NAE1: variants seen among roughly 807,000 people sequenced by gnomAD.
The protein encoded by NAE1 is NEDD8-activating enzyme E1 regulatory subunit.
In NAE1, 59 loss-of-function variants were observed where a neutral mutation model predicts 88.0. That is an observed-to-expected ratio of 0.67 (90% CI 0.54 to 0.83). The LOEUF (loss-of-function observed/expected upper bound fraction) is 0.83. Among genes scored for constraint, NAE1 ranks in the 40% least tolerant of loss-of-function variants. The pLI is 0.00. For synonymous variants in NAE1, 186 were observed against 208.9 expected, an observed-to-expected ratio of 0.89 and a Z score of 0.95; for missense variants, 554 against 632.8, an observed-to-expected ratio of 0.88 and a Z score of 1.34.
intron 1 of NAE1, among the ~76,000 whole-genome samples, chr16:66,830,615 C>A (rs924836592): frequency 8.5e-5 from 13 of 152,326 alleles, no homozygotes; most frequent in Middle Eastern, 3.4e-3. Flanking sequence ...GCGCTGGGGA[C>A]CCCGTCCCCC....
At chr16:66,813,910 G>C in intron 11 of NAE1, 64 bp from the exon 12 acceptor site, 1 of 1,423,296 alleles carries the variant, frequency 7.0e-7, no homozygotes, top group South Asian at 1.2e-5. Flanking sequence ...TTTATTTTCA[G>C]TGCTATTTCT....
intron 6 of NAE1, 41 bp from the exon 7 acceptor site, chr16:66,821,600 G>A: frequency 2.7e-6 from 4 of 1,471,628 alleles, no homozygotes; most frequent in South Asian, 1.3e-5. Context: ...ATAAGCAAAT[G>A]GAAATATGCC....
In NAE1 at chr16:66,817,048, T is replaced by A. The variant is rs1348472548; in HGVS notation, c.685-20A>T. On this transcript the variant is annotated intron_variant, in intron 9 of 19. Transcript: ENST00000290810. ...ATTTGTCTAAATTGGTTAAAAATTT[T>A]AAAAATCTAGTTATTAAAATTCAAA... 1.9e-6 allele frequency: 3 copies of A among 1,579,656 alleles called. No homozygotes were observed. The highest frequency in any genetic ancestry group is 1.4e-5 in the African/African-American group (1 of 72,724).
Position 66,808,600 on chromosome 16 carries a change from G to C in NAE1, c.1251C>G (p.Asp417Glu). 1 of 1,601,712 alleles carries C rather than the reference G, an allele frequency of 6.2e-7. No homozygotes were observed. ...ACAACACTATTTCATTATCTGGATT[G>C]TCCATGCTAGAAACTGAAAGGAAAA... ...INKDEIISSM[D>E]NPDNEIVLYL... Residue 417 changes from aspartate to glutamate, a missense_variant, in exon 17 of 20, where the codon GAC (aspartate) becomes GAG (glutamate). By Grantham distance (45) the Asp-to-Glu change is conservative (BLOSUM62 2). Coordinates refer to ENST00000290810, the MANE Select transcript of NAE1 (RefSeq NM_003905.4).
intron 13 of NAE1, among the ~76,000 whole-genome samples, chr16:66,812,603 C>T (rs1355743986): frequency 3.3e-5 from 5 of 150,364 alleles, no homozygotes; most frequent in African/African-American, 4.9e-5. Flanking sequence ...CTGCAACCTC[C>T]GTCTCCTGGG....
chr16:66,816,536 G>GA (rs1336057560), intron 11 of NAE1, 45 bp downstream of exon 11: 1 of 1,349,744 alleles, frequency 7.4e-7, no homozygotes, highest in African/African-American at 1.4e-5. Flanking sequence ...AAGGACTCTA[G>GA]AAAACATCTT....
chr16:66,818,839 T>A (rs1462784855), intron 7 of NAE1, among the ~76,000 whole-genome samples: 2 of 152,012 alleles, frequency 1.3e-5, no homozygotes, highest in Non-Finnish European at 2.9e-5. Flanking sequence ...CCCAGCTAAT[T>A]TTTTTGTAGG....
In NAE1 at chr16:66,810,687, A is replaced by G. The variant is rs955590375; in HGVS notation, c.1110+10T>C. The stretch of plus-strand genomic sequence containing the variant: ...AGGCCTGTATGGGCACAGTGTGCCC[A>G]GTAGCTTACCTGGCCAATGGACTGC... On this transcript the variant is annotated intron_variant, in intron 14 of 19. Transcript: ENST00000290810. 1.9e-6 allele frequency: 3 copies of G among 1,612,964 alleles called. No homozygotes were observed. Among genetic ancestry groups the G allele is most frequent in the African/African-American group, 2.7e-5 (2 of 74,938 alleles).
intron 6 of NAE1, 90 bp from the exon 7 acceptor site, chr16:66,821,649 C>CA: frequency 3.7e-6 from 4 of 1,088,534 alleles, no homozygotes; most frequent in Non-Finnish European, 5.0e-6. Context: ...TGTCTTACAG[C>CA]AACTTTCTTA....
chr16:66,812,464 T>C (rs370795410), intron 13 of NAE1, among the ~76,000 whole-genome samples: 16 of 152,160 alleles, frequency 1.1e-4, no homozygotes, highest in African/African-American at 3.6e-4. Flanking sequence ...TAATTCTGTA[T>C]TTCCCATTCA....
At chr16:66,811,008 C>G (rs1302282503) in intron 13 of NAE1, among the ~76,000 whole-genome samples, 1 of 152,142 alleles carries the variant, frequency 6.6e-6, no homozygotes, top group African/African-American at 2.4e-5. Flanking sequence ...TAACAGCACC[C>G]AACTTAAAAA....
Position 66,830,901 on chromosome 16 carries a change from G to A in NAE1, c.-2C>T, listed in dbSNP as rs778598437. On this transcript the variant is annotated 5_prime_UTR_variant, in exon 1 of 20. Coordinates refer to ENST00000290810, the MANE Select transcript of NAE1 (RefSeq NM_003905.4). ...GAGCAGCTTTCCCAGCTGCGCCATG[G>A]CCGCGCCTGCCGCGCGGAAAACAGC... The A allele has an allele frequency of 4.5e-5, 69 of 1,531,574 alleles. No homozygotes were observed. In the East Asian group the frequency reaches 7.4e-4, roughly 16 times the overall value. 94.9% of individuals were successfully genotyped at this position (1,531,574 alleles called of 1,614,324 possible).
chr16:66,830,442 T>A (rs185389130), intron 1 of NAE1, among the ~76,000 whole-genome samples: 4 of 152,236 alleles, frequency 2.6e-5, no homozygotes, highest in Non-Finnish European at 5.9e-5. Flanking sequence ...GCGGCTCACA[T>A]GAGACTAGCA....
Position 66,816,571 on chromosome 16 carries a change from C to T in NAE1, c.840+10G>A. 6.3e-7 allele frequency: 1 copy of T among 1,582,282 alleles called. No individual in the cohort carries two copies. The highest frequency in any genetic ancestry group is 1.1e-5 in the South Asian group (1 of 89,778). Reference sequence around the variant, plus strand: ...TGTTCATGTGAATCCCTCAGCAACTCTTTCATTACCTGAGTTGTATTTAGT... The same window carrying T: ...TGTTCATGTGAATCCCTCAGCAACTTTTTCATTACCTGAGTTGTATTTAGT... On this transcript the variant is annotated intron_variant, in intron 11 of 19. Transcript: ENST00000290810.
Position 66,805,951 on chromosome 16 carries a change from C to A in NAE1, c.1406G>T (p.Gly469Val), listed in dbSNP as rs749013610. Residue 469 changes from glycine to valine, a missense_variant, in exon 18 of 20, where the codon GGT becomes GTT. By Grantham distance (109) the Gly-to-Val change is moderately radical (BLOSUM62 -3). Transcript: ENST00000290810. ...SCLTGFLQEY[G>V]LSVMVKDDYV... ...ATCATCTTTCACCATTACAGATAAA[C>A]CATATTCCTGAAGGAAGCCAGTGAG... The A allele has an allele frequency of 2.3e-5, 37 of 1,613,138 alleles. No homozygotes were observed. The highest frequency in any genetic ancestry group is 3.0e-5 in the Non-Finnish European group (35 of 1,179,672).
rs9788875 is a variant in NAE1 at position 66,818,453 on chromosome 16, G to C, written c.621+75C>G. The C allele has an allele frequency of 2.8e-6, 3 of 1,087,348 alleles. No individual in the cohort carries two copies. The Admixed American group carries it at 7.9e-5, about 29-fold the overall frequency. 67.4% of individuals were successfully genotyped at this position (1,087,348 alleles called of 1,614,324 possible). On this transcript the variant is annotated intron_variant, in intron 8 of 19. Transcript: ENST00000290810. The stretch of plus-strand genomic sequence containing the variant: ...AAGTTTATAGGATTTTCTCACTTTA[G>C]TGTAATTCAAAAACCTTAGGTTAAA...
intron 4 of NAE1, among the ~76,000 whole-genome samples, chr16:66,824,145 G>T (rs1275647596): frequency 6.6e-6 from 1 of 152,018 alleles, no homozygotes; most frequent in East Asian, 1.9e-4. Flanking sequence ...CTACTTTTTT[G>T]ATTAGGCAAA....
chr16:66,820,984 A>C (rs1418601603), intron 7 of NAE1, among the ~76,000 whole-genome samples: 1 of 151,270 alleles, frequency 6.6e-6, no homozygotes, highest in Non-Finnish European at 1.5e-5. Context: ...CAGGAGAATC[A>C]GTTGAACCCG....
chr16:66,811,307 G>A (rs913136331), intron 13 of NAE1, among the ~76,000 whole-genome samples: 1 of 152,128 alleles, frequency 6.6e-6, no homozygotes, highest in South Asian at 2.1e-4. Context: ...TCAGGCACAC[G>A]CTACCATGCC....
Sources: gnomAD v4.1 joint callset for allele counts (sites outside exome capture counted in the v4.1 genomes callset) on GRCh38, gnomAD v4.1.1 for gene constraint, MANE v1.5 for transcripts, NCBI Gene and HGNC (gene_info 2026-07-23, HGNC 2026-07-21) for gene names.